The following CDKL3 variants were observed in gnomAD, a reference collection of about 807,000 sequenced individuals.
CDKL3 encodes the protein cyclin-dependent kinase-like 3.
CDKL3 carries 65 observed loss-of-function variants against 69.3 expected under a neutral mutation model. The observed-to-expected ratio is 0.94, with a 90% CI of 0.77 to 1.15. The LOEUF (loss-of-function observed/expected upper bound fraction) is 1.15, where lower values mean the gene tolerates loss of function less well. Among genes scored for constraint, CDKL3 ranks in the 50% most tolerant of loss-of-function variants. The probability of loss-of-function intolerance (pLI) is 0.00; values close to 1 mark genes in which losing one functional copy is unlikely to be tolerated. For synonymous variants in CDKL3, 202 were observed against 221.6 expected (o/e 0.91, Z 0.79); for missense variants, 652 against 689.2 (o/e 0.95, Z 0.61).
At chr5:134,356,275 G>A (rs184492391) in intron 3 of CDKL3, among the ~76,000 whole-genome samples, 58 of 152,290 alleles carry the variant, frequency 3.8e-4, no homozygotes, top group African/African-American at 1.3e-3. Flanking sequence ...CTGCTGATCT[G>A]ATAGGAGGCA....
downstream of CDKL3, among the ~76,000 whole-genome samples, chr5:134,296,946 T>C (rs1765385165): frequency 6.8e-6 from 1 of 147,664 alleles, no homozygotes; most frequent in South Asian, 2.1e-4. Context: ...CTTTTTCTTT[T>C]CTTTTCTTTT....
chr5:134,342,573 C>A (rs1432764100), intron 4 of CDKL3, among the ~76,000 whole-genome samples: 1 of 150,752 alleles, frequency 6.6e-6, no homozygotes, highest in Non-Finnish European at 1.5e-5. Context: ...GCACTCCAGC[C>A]TGGGCGACAG....
chr5:134,345,706 CAGG>C (rs1486827223), intron 4 of CDKL3, among the ~76,000 whole-genome samples: 1 of 152,076 alleles, frequency 6.6e-6, no homozygotes, highest in Non-Finnish European at 1.5e-5. Context: ...CTGGATGAGC[CAGG>C]AGAAGGAATT....
At position 134,308,676 on chromosome 5, in the gene CDKL3, T is replaced by C; in HGVS notation, c.933A>G (p.Ser311=). Residue 311 remains serine (S), a synonymous_variant, in exon 8 of 13, where the codon TCA becomes TCG. Coordinates refer to ENST00000265334, the MANE Select transcript of CDKL3 (RefSeq NM_001113575.2). ...TAGAACTCTCTTTTGGCTTTATTAATGAATTGACTTTTGCTTCCTGCAGTA... is the reference window on the plus strand; with the variant it reads ...TAGAACTCTCTTTTGGCTTTATTAACGAATTGACTTTTGCTTCCTGCAGTA... ...AKLLQEAKVN[S]LIKPKESSKE... is the part of the protein sequence containing the mutation. 2 of 1,605,386 alleles carry C rather than the reference T, an allele frequency of 1.2e-6. No individual in the cohort carries two copies. Among genetic ancestry groups the C allele is most frequent in the Non-Finnish European group, 1.7e-6 (2 of 1,177,968 alleles).
chr5:134,300,756 G>A (rs1414476493), intron 12 of CDKL3, among the ~76,000 whole-genome samples: 1 of 151,982 alleles, frequency 6.6e-6, no homozygotes, highest in Non-Finnish European at 1.5e-5. Context: ...TTCCTGCAGA[G>A]TTCCTTTTTT....
chr5:134,333,895 CTGTT>C (rs1776408766), intron 4 of CDKL3, among the ~76,000 whole-genome samples: 1 of 152,128 alleles, frequency 6.6e-6, no homozygotes, highest in South Asian at 2.1e-4. Context: ...GTACCAGCTC[CTGTT>C]TGTACCTCTG....
At chr5:134,295,001 A>ATT (rs1171203504), downstream of CDKL3, among the ~76,000 whole-genome samples, 21 of 131,824 alleles carry the variant, frequency 1.6e-4, no homozygotes, top group African/African-American at 5.9e-4. Flanking sequence ...GGAAGACTTG[A>ATT]TTTTTTTTTC....
At chr5:134,307,681 C>A (rs999092696) in intron 9 of CDKL3, among the ~76,000 whole-genome samples, 3 of 152,210 alleles carry the variant, frequency 2.0e-5, no homozygotes, top group African/African-American at 7.2e-5. Flanking sequence ...AAATCTAAAA[C>A]TGGCCTAATA....
At chr5:134,313,156 G>A (rs1017107195) in intron 6 of CDKL3, among the ~76,000 whole-genome samples, 1 of 152,270 alleles carries the variant, frequency 6.6e-6, no homozygotes, top group Admixed American at 6.5e-5. Context: ...TTGAGTTCAA[G>A]CGATTCTCCC....
chr5:134,370,743 G>A (rs1758294607), upstream of CDKL3, among the ~76,000 whole-genome samples: 1 of 152,204 alleles, frequency 6.6e-6, no homozygotes, highest in Admixed American at 6.5e-5. Flanking sequence ...GGAGATTGTT[G>A]TGTGGGCCTC....
At chr5:134,342,987 T>A (rs1750899054) in intron 4 of CDKL3, among the ~76,000 whole-genome samples, 1 of 152,156 alleles carries the variant, frequency 6.6e-6, no homozygotes, top group African/African-American at 2.4e-5. Context: ...GGCAGATTGC[T>A]TGAGCCCAGC....
chr5:134,344,345 A>G (rs1403240046), intron 4 of CDKL3, among the ~76,000 whole-genome samples: 2 of 152,240 alleles, frequency 1.3e-5, no homozygotes, highest in African/African-American at 4.8e-5. Context: ...GAATCAAGAA[A>G]GTGAAGACAC....
chr5:134,284,595 C>T (rs185100566), downstream of CDKL3, among the ~76,000 whole-genome samples: 303 of 152,280 alleles, frequency 2.0e-3, 6 homozygotes, highest in Admixed American at 0.014. Context: ...ATTTCCTAAT[C>T]CTAGCAAGCC....
At chr5:134,341,190 T>C (rs1750399042) in intron 4 of CDKL3, among the ~76,000 whole-genome samples, 1 of 152,110 alleles carries the variant, frequency 6.6e-6, no homozygotes, top group East Asian at 1.9e-4. Context: ...AAAAGGAAAC[T>C]TCCCCAACCT....
chr5:134,328,645 A>G (rs570425070), intron 4 of CDKL3, among the ~76,000 whole-genome samples: 1 of 152,286 alleles, frequency 6.6e-6, no homozygotes, highest in South Asian at 2.1e-4. Context: ...CATTTATTGC[A>G]AAACAATAAT....
intron 3 of CDKL3, among the ~76,000 whole-genome samples, chr5:134,350,899 T>G (rs907267347): frequency 6.6e-6 from 1 of 151,906 alleles, no homozygotes; most frequent in African/African-American, 2.4e-5. Context: ...AATTTTACTT[T>G]CCTTTAACCC....
chr5:134,298,507 G>A lies in CDKL3; in HGVS notation c.*144C>T. ...TAAAAGGGAAAAGAAAACAGTAAAT[G>A]TTTTGCTAACAAAAAAAGCTGGATG... On this transcript the variant is annotated 3_prime_UTR_variant, in exon 13 of 13. Transcript: ENST00000265334. 1 of 1,430,058 alleles carries A rather than the reference G, an allele frequency of 7.0e-7. No individual in the cohort carries two copies. The highest frequency in any genetic ancestry group is 9.1e-7 in the Non-Finnish European group (1 of 1,096,772). The allele number at this position is 1,430,058 out of a possible 1,614,324, so 88.6% of individuals were successfully genotyped here.
At chr5:134,321,951 A>G (rs762155994) in intron 4 of CDKL3, 48 bp from the exon 5 acceptor site, 1 of 931,226 alleles carries the variant, frequency 1.1e-6, no homozygotes, top group Admixed American at 2.4e-5. Context: ...GTAGAAATTT[A>G]TAAATATATT....
intron 4 of CDKL3, among the ~76,000 whole-genome samples, chr5:134,322,344 G>A (rs1389244259): frequency 6.6e-6 from 1 of 152,052 alleles, no homozygotes; most frequent in Admixed American, 6.6e-5. Flanking sequence ...ATCATATACC[G>A]ACTTTATAAG....
Sources: allele counts gnomAD v4.1 joint callset (sites outside exome capture counted in the v4.1 genomes callset), GRCh38; gene constraint gnomAD v4.1.1; transcripts MANE v1.5; gene names NCBI Gene and HGNC (gene_info 2026-07-23, HGNC 2026-07-21).